PCLO: variants seen among roughly 807,000 people sequenced by gnomAD.
The protein encoded by PCLO is protein piccolo.
Under a neutral mutation model 427.5 loss-of-function variants are expected in PCLO, and 82 were observed. That is an observed-to-expected ratio of 0.19 (90% confidence interval 0.16 to 0.23). The LOEUF (loss-of-function observed/expected upper bound fraction) is 0.23, where lower values mean the gene tolerates loss of function less well. Among genes scored for constraint, PCLO ranks in the 10% least tolerant of loss-of-function variants. PCLO has a pLI of 1.00. For synonymous variants in PCLO, 2,357 were observed against 2,155.4 expected (o/e 1.09, Z -2.59); for missense variants, 6,239 against 6,115.9 (o/e 1.02, Z -0.67).
intron 7 of PCLO, among the ~76,000 whole-genome samples, chr7:82,913,518 T>C (rs1169501265): frequency 3.3e-5 from 5 of 151,880 alleles, no homozygotes; most frequent in African/African-American, 1.2e-4. Flanking sequence ...CAGAACTCCA[T>C]CTACATCTAC....
chr7:83,001,033 T>C (rs990474615), intron 3 of PCLO, among the ~76,000 whole-genome samples: 10 of 152,078 alleles, frequency 6.6e-5, no homozygotes, highest in Non-Finnish European at 1.3e-4. Flanking sequence ...ATTTTGTTCT[T>C]CCAACATTTT....
intron 3 of PCLO, among the ~76,000 whole-genome samples, chr7:82,967,702 A>ACC (rs1795810729): frequency 6.6e-6 from 1 of 152,196 alleles, no homozygotes; most frequent in South Asian, 2.1e-4. Context: ...AGAACAAATG[A>ACC]TCACCTAGGA....
intron 3 of PCLO, among the ~76,000 whole-genome samples, chr7:83,093,789 G>T (rs1372137238): frequency 3.2e-5 from 4 of 123,364 alleles, no homozygotes; most frequent in Admixed American, 2.8e-4. Context: ...CACCACGCCC[G>T]ACCACCACAA....
At chr7:82,996,379 G>T (rs762444742) in intron 3 of PCLO, among the ~76,000 whole-genome samples, 1 of 151,774 alleles carries the variant, frequency 6.6e-6, no homozygotes, top group African/African-American at 2.4e-5. Context: ...CAAATATTAG[G>T]ACTTAATTAA....
chr7:82,842,400 T>C (rs1281785590), intron 13 of PCLO, among the ~76,000 whole-genome samples: 1 of 152,018 alleles, frequency 6.6e-6, no homozygotes, highest in Non-Finnish European at 1.5e-5. Flanking sequence ...TCAAAATAGA[T>C]TAAAGATTTA....
At chr7:83,111,540 T>C (rs1237472323) in intron 3 of PCLO, among the ~76,000 whole-genome samples, 1 of 152,234 alleles carries the variant, frequency 6.6e-6, no homozygotes, top group African/African-American at 2.4e-5. Context: ...AGAAAAGGAA[T>C]GTCAGCAGCC....
At chr7:83,156,883 C>G (rs1315608303) in intron 1 of PCLO, among the ~76,000 whole-genome samples, 1 of 151,956 alleles carries the variant, frequency 6.6e-6, no homozygotes, top group South Asian at 2.1e-4. Context: ...TAAAAATATT[C>G]ATTTTTAAAT....
At position 82,785,139 on chromosome 7, in the gene PCLO, T is replaced by C. The variant is rs899822044; in HGVS notation, c.15007+16379A>G. On this transcript the variant is annotated intron_variant, in intron 22 of 24. Transcript: ENST00000333891. ...CAGTGGTCCTCAACCTTTTTGGCAG[T>C]AGAGACTGGTTTTGTGGAAGACAAT... is the stretch of plus-strand genomic sequence containing the variant. Among the ~76,000 whole-genome samples, 144 of 152,302 alleles carry C rather than the reference T, an allele frequency of 9.5e-4. 1 individual carries two copies. The highest frequency in any genetic ancestry group is 3.5e-3 in the African/African-American group (144 of 41,568).
At position 82,755,121 on chromosome 7, in the gene PCLO, T is replaced by C. The variant is rs2129467364; in HGVS notation, c.*3454A>G. 6.6e-6 allele frequency: 1 copy of C among 152,190 alleles called. No homozygotes were observed. Among genetic ancestry groups the C allele is most frequent in the African/African-American group, 2.4e-5 (1 of 41,548 alleles). The allele number at this position is 152,190 out of a possible 1,614,324, so 9.4% of individuals were successfully genotyped here. A position where few individuals can be genotyped will look rare whatever the true frequency, so the allele number is the denominator to read the frequency against. On this transcript the variant is annotated 3_prime_UTR_variant, in exon 25 of 25. Transcript: ENST00000333891. ...AATATCACTACTGCTACCACCACTATCATTACAGTCATTCCTATAATAAGA... is the reference window on the plus strand; with the variant it reads ...AATATCACTACTGCTACCACCACTACCATTACAGTCATTCCTATAATAAGA...
At chr7:83,089,499 C>A (rs970758685) in intron 3 of PCLO, among the ~76,000 whole-genome samples, 1 of 152,132 alleles carries the variant, frequency 6.6e-6, no homozygotes, top group Non-Finnish European at 1.5e-5. Context: ...TGCAGGTACA[C>A]CTCTCCAGAA....
chr7:82,942,984 A>ATAT (rs1174780187), intron 6 of PCLO, among the ~76,000 whole-genome samples: 1 of 152,010 alleles, frequency 6.6e-6, no homozygotes, highest in African/African-American at 2.4e-5. Flanking sequence ...CCCCTAATAA[A>ATAT]TATTATTATT....
chr7:82,913,220 A>G (rs967637374), intron 7 of PCLO, among the ~76,000 whole-genome samples: 2 of 152,020 alleles, frequency 1.3e-5, no homozygotes, highest in African/African-American at 4.8e-5. Flanking sequence ...GAAAATGACT[A>G]ATCTATTGGA....
At chr7:83,136,445 G>A (rs1243150777) in intron 2 of PCLO, among the ~76,000 whole-genome samples, 11 of 151,994 alleles carry the variant, frequency 7.2e-5, no homozygotes, top group Admixed American at 6.6e-4. Context: ...AAGATATACA[G>A]CCCAGAGTAG....
At chr7:82,991,900 T>C (rs1248800914) in intron 3 of PCLO, among the ~76,000 whole-genome samples, 1 of 152,124 alleles carries the variant, frequency 6.6e-6, no homozygotes, top group African/African-American at 2.4e-5. Context: ...CTTTAAACTA[T>C]TTTATGGCAT....
intron 3 of PCLO, among the ~76,000 whole-genome samples, chr7:83,105,692 T>C (rs1211913471): frequency 6.6e-6 from 1 of 152,122 alleles, no homozygotes; most frequent in Non-Finnish European, 1.5e-5. Flanking sequence ...TTGTTTGAAT[T>C]GAAGTACTAA....
chr7:82,795,250 A>C (rs1791200846), intron 22 of PCLO, among the ~76,000 whole-genome samples: 1 of 152,190 alleles, frequency 6.6e-6, no homozygotes, highest in South Asian at 2.1e-4. Flanking sequence ...ATTTATAATA[A>C]TCATTTACTT....
Position 82,954,787 on chromosome 7 carries a change from T to C in PCLO, c.6166A>G (p.Arg2056Gly), listed in dbSNP as rs764296226. 15 of 1,613,666 alleles carry C rather than the reference T, an allele frequency of 9.3e-6. No homozygotes were observed. Among genetic ancestry groups the C allele is most frequent in the African/African-American group, 5.3e-5 (4 of 74,892 alleles). The part of the protein sequence containing the change: ...GTMVTSTEEE[R>G]KLLDADAAYE... ...GCAGCATCAGCATCTAGTAGTTTCC[T>C]TTCTTCTTCTGTAGAAGTTACCATA... The change falls in exon 5 of 25, where the codon AGG (arginine) becomes GGG (glycine). Residue 2056 changes from arginine to glycine, a missense_variant. Around this residue, in one of 5 missense-constraint regions of PCLO, gnomAD observed 4,677 missense variants for 4,468.4 expected, o/e 1.05. Transcript: ENST00000333891.
intron 3 of PCLO, among the ~76,000 whole-genome samples, chr7:83,008,032 T>A (rs2115969605): frequency 6.6e-6 from 1 of 151,792 alleles, no homozygotes; most frequent in Non-Finnish European, 1.5e-5. Context: ...ATTTTATACT[T>A]TTATTTCTTT....
At chr7:83,104,340 G>C (rs1790804106) in intron 3 of PCLO, among the ~76,000 whole-genome samples, 1 of 151,990 alleles carries the variant, frequency 6.6e-6, no homozygotes, top group Non-Finnish European at 1.5e-5. Context: ...TAAGCAAAGT[G>C]ATTTTTTCAG....
Sources: allele counts gnomAD v4.1 joint callset (sites outside exome capture counted in the v4.1 genomes callset), GRCh38; gene constraint gnomAD v4.1.1; regional missense constraint gnomAD v4.1.1; transcripts MANE v1.5; gene names NCBI Gene and HGNC (gene_info 2026-07-23, HGNC 2026-07-21).